Variants in CTNNAL1 observed in about 807,000 individuals in gnomAD.
CTNNAL1 encodes the protein alpha-catulin.
A neutral mutation model predicts 93.6 loss-of-function variants in CTNNAL1; 69 were observed. The ratio of observed to expected loss-of-function variants is 0.74; its 90% CI spans 0.61 to 0.90. The LOEUF (loss-of-function observed/expected upper bound fraction) is 0.90. Ranked by LOEUF, CTNNAL1 falls within the 40% of genes least tolerant of loss-of-function variation. The pLI is 0.00. For synonymous variants in CTNNAL1, 286 were observed against 305.4 expected (o/e 0.94, Z 0.66); for missense variants, 836 against 862.0 (o/e 0.97, Z 0.38).
At chr9:108,960,424 C>A (rs1051919753) in intron 11 of CTNNAL1, among the ~76,000 whole-genome samples, 3 of 152,134 alleles carry the variant, frequency 2.0e-5, no homozygotes, top group Non-Finnish European at 2.9e-5. Flanking sequence ...TCTTTACCCA[C>A]GAACATGTTT....
Position 108,983,267 on chromosome 9 carries a change from C to A in CTNNAL1, c.778G>T (p.Gly260Ter), listed in dbSNP as rs559132551. 6.3e-7 allele frequency: 1 copy of A among 1,588,552 alleles called. No homozygotes were observed. Among genetic ancestry groups the A allele is most frequent in the African/African-American group, 1.4e-5 (1 of 73,818 alleles). ...GCCACTTTCATACGGTCAAATACTC[C>A]TTCTTTGTTTTTATGGGCTGATTCG... ...NCESAHKNKE[G>*]VFDRMKVALD... The change falls in exon 6 of 19, where the codon GGA (glycine) becomes TGA (stop). Residue 260 changes from glycine to a stop codon, truncating the protein, a stop_gained. Coordinates refer to ENST00000325551, the MANE Select transcript of CTNNAL1 (RefSeq NM_003798.4). LOFTEE classifies it high-confidence loss of function.
intron 11 of CTNNAL1, among the ~76,000 whole-genome samples, chr9:108,960,638 A>G (rs900628733): frequency 6.6e-6 from 1 of 152,184 alleles, no homozygotes; most frequent in African/African-American, 2.4e-5. Flanking sequence ...GCGTAGTCAT[A>G]TTTACTCTGA....
intron 4 of CTNNAL1, among the ~76,000 whole-genome samples, chr9:108,984,750 G>A (rs576199312): frequency 2.4e-4 from 37 of 152,276 alleles, no homozygotes; most frequent in Middle Eastern, 6.8e-3. Flanking sequence ...TGCACACACT[G>A]CGTCCTAACC....
Position 108,990,860 on chromosome 9 carries a change from A to T in CTNNAL1, c.520-15T>A. On this transcript the variant is annotated splice_polypyrimidine_tract_variant and intron_variant, in intron 3 of 18. Coordinates refer to ENST00000325551, the MANE Select transcript of CTNNAL1 (RefSeq NM_003798.4). ...GTTGCGAGAACCTGCAAAACAGATA[A>T]TAATTCATTATTTGGTGAGAGCTAC... is the stretch of plus-strand genomic sequence containing the variant. 6.2e-7 allele frequency: 1 copy of T among 1,607,060 alleles called. No homozygotes were observed. Among genetic ancestry groups the T allele is most frequent in the South Asian group, 1.1e-5 (1 of 89,484 alleles).
At chr9:108,958,399 A>G (rs1344989353) in intron 11 of CTNNAL1, among the ~76,000 whole-genome samples, 2 of 152,162 alleles carry the variant, frequency 1.3e-5, no homozygotes, top group African/African-American at 4.8e-5. Context: ...ATTTGCTACT[A>G]TTTTCATCCA....
At chr9:108,958,784 G>A (rs2132107660) in intron 11 of CTNNAL1, among the ~76,000 whole-genome samples, 1 of 151,554 alleles carries the variant, frequency 6.6e-6, no homozygotes, top group East Asian at 1.9e-4. Context: ...AAAGTGCAGT[G>A]GTGCAATCTC....
intron 4 of CTNNAL1, among the ~76,000 whole-genome samples, chr9:108,986,909 T>C (rs1831627844): frequency 6.6e-6 from 1 of 152,236 alleles, no homozygotes; most frequent in African/African-American, 2.4e-5. Context: ...TTTGAGTTCA[T>C]TGTAGATTCT....
rs745884411 is a variant in CTNNAL1, at chr9:108,992,779, G to T, written c.372C>A (p.Asn124Lys). Residue 124 changes from asparagine (N) to lysine (K), a missense_variant, in exon 3 of 19, where the codon AAC (asparagine) becomes AAA (lysine). Asn to Lys is a moderately conservative substitution (Grantham distance 94). Transcript: ENST00000325551. ...IAALTDITNL[N>K]HLESDGQITI... ...TGATCTGCCCATCAGATTCCAGATG[G>T]TTCAAGTTGGTTATGTCTGTAAGTG... The T allele has an allele frequency of 3.9e-5, 63 of 1,613,448 alleles. No individual in the cohort carries two copies. Among genetic ancestry groups the T allele is most frequent in the Middle Eastern group, 1.7e-4 (1 of 6,060 alleles).
At chr9:108,973,294 A>G (rs903530001) in intron 8 of CTNNAL1, among the ~76,000 whole-genome samples, 3 of 152,210 alleles carry the variant, frequency 2.0e-5, no homozygotes, top group Non-Finnish European at 4.4e-5. Context: ...TGCAATATTT[A>G]GAGTACTAAG....
In CTNNAL1 at chr9:108,984,343, T is replaced by C; in HGVS notation, c.729+4A>G. The stretch of plus-strand genomic sequence containing the variant: ...ATTACACAGTAAAACCAAAATTGTC[T>C]TACCTTTGAAGCTGTGAGAAGCATC... On this transcript the variant is annotated splice_donor_region_variant and intron_variant, in intron 5 of 18. Transcript: ENST00000325551. The C allele has an allele frequency of 6.4e-7, 1 of 1,571,378 alleles. No individual in the cohort carries two copies.
chr9:108,972,471 G>C (rs1831141574), intron 9 of CTNNAL1, among the ~76,000 whole-genome samples: 1 of 152,162 alleles, frequency 6.6e-6, no homozygotes, highest in Non-Finnish European at 1.5e-5. Flanking sequence ...AAGTTCATTT[G>C]TGGGTCTTAG....
intron 5 of CTNNAL1, among the ~76,000 whole-genome samples, chr9:108,983,784 T>C (rs982037862): frequency 1.5e-4 from 23 of 152,214 alleles, no homozygotes; most frequent in African/African-American, 5.6e-4. Flanking sequence ...TCACTGATTC[T>C]AGCATGGGGT....
chr9:108,943,830 T>C lies in CTNNAL1; in HGVS notation c.1942-14A>G. The C allele has an allele frequency of 6.2e-7, 1 of 1,609,352 alleles. No individual in the cohort carries two copies. The highest frequency in any genetic ancestry group is 8.5e-7 in the Non-Finnish European group (1 of 1,178,060). On this transcript the variant is annotated splice_polypyrimidine_tract_variant and intron_variant, in intron 16 of 18. Transcript: ENST00000325551. Reference sequence around the variant, plus strand: ...ATCGTCTTTCAGCTGAAATGTAATTTAACAAGTTATAACAGCCCGCAACAA... The same window carrying C: ...ATCGTCTTTCAGCTGAAATGTAATTCAACAAGTTATAACAGCCCGCAACAA...
intron 1 of CTNNAL1, among the ~76,000 whole-genome samples, chr9:109,006,476 C>G (rs1333818145): frequency 6.6e-6 from 1 of 152,154 alleles, no homozygotes; most frequent in African/African-American, 2.4e-5. Flanking sequence ...CTCTTACCTT[C>G]CAGGATTATG....
intron 1 of CTNNAL1, among the ~76,000 whole-genome samples, chr9:109,011,774 A>G (rs1022819173): frequency 2.0e-5 from 3 of 152,218 alleles, no homozygotes; most frequent in Admixed American, 6.5e-5. Context: ...CTCCCATACC[A>G]CGAGAATATA....
chr9:108,993,256 C>T (rs916589090), intron 2 of CTNNAL1, among the ~76,000 whole-genome samples: 4 of 152,268 alleles, frequency 2.6e-5, no homozygotes, highest in South Asian at 2.1e-4. Flanking sequence ...ACAAGCTGAA[C>T]GGCCTTGGGT....
At chr9:108,972,864 G>GGGGGGGCGCCCCCCC in intron 8 of CTNNAL1, 31 bp from the exon 9 acceptor site, 10 of 142,502 alleles carry the variant, frequency 7.0e-5, no homozygotes, top group South Asian at 1.2e-4. Flanking sequence ...GGGGGGGTGG[G>GGGGGGGCGCCCCCCC]AGGGTGGAGA....
At chr9:108,973,030 G>T (rs78804430) in intron 8 of CTNNAL1, among the ~76,000 whole-genome samples, 197 bp from the exon 9 acceptor site, 8,036 of 152,296 alleles carry the variant, frequency 0.053, 329 homozygotes, top group Admixed American at 0.12. Context: ...AACAGTAGGA[G>T]TTGTGTAGCA....
In CTNNAL1 at chr9:108,942,592, CATTT is replaced by C; in HGVS notation, c.*173_*176del. The C allele has an allele frequency of 1.7e-6, 1 of 573,474 alleles. No homozygotes were observed. The highest frequency in any genetic ancestry group is 3.1e-6 in the Non-Finnish European group (1 of 326,108). The allele number at this position is 573,474 out of a possible 1,614,324, so 35.5% of individuals were successfully genotyped here. ...AATTAGAATCTAGCAATTACCAAGA[CATTT>C]ATTAGTTGTCAAAAAGCTTTACAAT... On this transcript the variant is annotated 3_prime_UTR_variant, in exon 19 of 19. Coordinates refer to ENST00000325551, the MANE Select transcript of CTNNAL1 (RefSeq NM_003798.4).
Sources: gnomAD v4.1 joint callset for allele counts (sites outside exome capture counted in the v4.1 genomes callset) on GRCh38, gnomAD v4.1.1 for gene constraint, MANE v1.5 for transcripts, NCBI Gene and HGNC (gene_info 2026-07-23, HGNC 2026-07-21) for gene names.